CHD2: variants seen among roughly 807,000 people sequenced by gnomAD.
CHD2 encodes the protein ATP-dependent chromatin remodeler CHD2.
In CHD2, 28 loss-of-function variants were observed where a neutral mutation model predicts 243.9. That is an observed-to-expected ratio of 0.11 (90% CI 0.09 to 0.16). CHD2 has a LOEUF of 0.16. Ranked by LOEUF, CHD2 falls within the 10% of genes least tolerant of loss-of-function variation. The probability of loss-of-function intolerance (pLI) is 1.00; values close to 1 mark genes in which losing one functional copy is unlikely to be tolerated. For missense variants in CHD2, 1,386 were observed against 2,209.8 expected, an observed-to-expected ratio of 0.63 and a Z score of 7.47; for synonymous variants, 775 against 779.0, an observed-to-expected ratio of 0.99 and a Z score of 0.09.
At chr15:92,991,826 A>G (rs755912018) in intron 27 of CHD2, 47 of 234,170 alleles carry the variant, frequency 2.0e-4, no homozygotes, top group Non-Finnish European at 3.4e-4. Flanking sequence ...ACTCCAGTTG[A>G]AAAGAATGTA....
Position 92,908,992 on chromosome 15 carries a change from G to T in CHD2, c.62+7693G>T, listed in dbSNP as rs186027827. Among the ~76,000 whole-genome samples the T allele has an allele frequency of 5.3e-5, 8 of 152,090 alleles. No individual in the cohort carries two copies. The East Asian group carries it at 1.2e-3, about 22-fold the overall frequency. The stretch of plus-strand genomic sequence containing the variant: ...AGATTAGCTGGACATGATGGTGGGT[G>T]CCTGTAGTCCCAGCTGCTTGGGAGG... On this transcript the variant is annotated intron_variant, in intron 2 of 38. Transcript: ENST00000394196.
intron 28 of CHD2, among the ~76,000 whole-genome samples, chr15:92,993,838 C>T (rs1441807657): frequency 3.3e-5 from 5 of 152,052 alleles, no homozygotes; most frequent in Non-Finnish European, 7.4e-5. Context: ...ATCCCAGCTA[C>T]ATGGGAGGCT....
chr15:92,918,773 T>A (rs887645189), intron 2 of CHD2, among the ~76,000 whole-genome samples: 1 of 151,750 alleles, frequency 6.6e-6, no homozygotes, highest in African/African-American at 2.4e-5. Flanking sequence ...AATATATATA[T>A]ACGTATATAT....
chr15:92,922,965 T>TG (rs1290709146), intron 2 of CHD2, among the ~76,000 whole-genome samples: 1 of 152,160 alleles, frequency 6.6e-6, no homozygotes, highest in Non-Finnish European at 1.5e-5. Context: ...CTGCTCCCTA[T>TG]GGGATGTTTG....
In CHD2 at chr15:92,939,649, C is replaced by T. The variant is rs2053325261; in HGVS notation, c.623C>T (p.Ser208Phe). The T allele has an allele frequency of 1.2e-6, 2 of 1,613,986 alleles. No homozygotes were observed. Among genetic ancestry groups the T allele is most frequent in the African/African-American group, 1.3e-5 (1 of 74,902 alleles). ...GGAAAGAGAAAAAAGCAAGATTCTT[C>T]TGATGAGGATGATGATGATGACGAA... is the stretch of plus-strand genomic sequence containing the variant. ...QRGKRKKQDS[S>F]DEDDDDDEAP... Residue 208 changes from serine to phenylalanine, a missense_variant, in exon 7 of 39, where the codon TCT (serine) becomes TTT (phenylalanine). Around this residue, in one of 19 missense-constraint regions of CHD2, gnomAD observed 90 missense variants for 78.0 expected, o/e 1.15. Transcript: ENST00000394196.
At chr15:92,964,986 T>C (rs1567144307) in intron 16 of CHD2, among the ~76,000 whole-genome samples, 1 of 152,202 alleles carries the variant, frequency 6.6e-6, no homozygotes, top group Non-Finnish European at 1.5e-5. Flanking sequence ...AGCATACCAT[T>C]TTCACTGCTT....
chr15:92,909,202 C>T (rs933460625), intron 2 of CHD2, among the ~76,000 whole-genome samples: 5 of 152,032 alleles, frequency 3.3e-5, no homozygotes, highest in Admixed American at 6.6e-5. Context: ...GTCTTCTAGT[C>T]GCTTTAAGCT....
chr15:93,017,748 A>T (rs575239342), intron 37 of CHD2, among the ~76,000 whole-genome samples: 4 of 152,248 alleles, frequency 2.6e-5, no homozygotes, highest in African/African-American at 7.2e-5. Flanking sequence ...ATGTTCTGTA[A>T]TCTTAAAAAT....
intron 10 of CHD2, 147 bp downstream of exon 10, chr15:92,944,662 T>C (rs913854346): frequency 2.5e-6 from 1 of 400,264 alleles, no homozygotes; most frequent in Non-Finnish European, 4.5e-6. Context: ...GAAGATTTGC[T>C]GGTAAATTTG....
At chr15:92,924,173 TGTAAAA>T (rs1462011561) in intron 2 of CHD2, 142 bp from the exon 3 acceptor site, 2 of 615,288 alleles carry the variant, frequency 3.3e-6, no homozygotes, top group Non-Finnish European at 5.6e-6. Context: ...TTATTTGGAA[TGTAAAA>T]GTATAAATGT....
At chr15:92,953,633 C>T in intron 14 of CHD2, 60 bp downstream of exon 14, 1 of 1,499,550 alleles carries the variant, frequency 6.7e-7, no homozygotes, top group East Asian at 2.3e-5. Flanking sequence ...TAGAAATTCA[C>T]TTAAAGCCTT....
At position 93,000,556 on chromosome 15, in the gene CHD2, A is replaced by G; in HGVS notation, c.4053A>G (p.Lys1351=). 6.2e-7 allele frequency: 1 copy of G among 1,613,708 alleles called. No individual in the cohort carries two copies. Among genetic ancestry groups the G allele is most frequent in the Non-Finnish European group, 8.5e-7 (1 of 1,179,812 alleles). The part of the protein sequence containing the change: ...KRKPRVKKEN[K]VPRLKEEHGI... The stretch of plus-strand genomic sequence containing the variant: ...AGCCTCGGGTAAAGAAGGAAAACAA[A>G]GTGCCCAGGCTGAAAGAGGAGCATG... The change falls in exon 32 of 39, where the codon AAA becomes AAG. Residue 1351 remains lysine (K), a synonymous_variant. Transcript: ENST00000394196.
In CHD2 at chr15:92,917,703, T is replaced by A. The variant is rs117334971; in HGVS notation, c.63-6618T>A. Among the ~76,000 whole-genome samples, 21 of 152,330 alleles carry A rather than the reference T, an allele frequency of 1.4e-4. No homozygotes were observed. The East Asian group carries it at 4.0e-3, about 29-fold the overall frequency. On this transcript the variant is annotated intron_variant, in intron 2 of 38. Transcript: ENST00000394196. Reference sequence around the variant, plus strand: ...ATAATCAGTTCAACTGAAGAATGTATGTAAATAAGGGCAGTGATACCTAAC... The same window carrying A: ...ATAATCAGTTCAACTGAAGAATGTAAGTAAATAAGGGCAGTGATACCTAAC...
chr15:93,012,116 A>T (rs1164344187), intron 35 of CHD2, among the ~76,000 whole-genome samples: 1 of 152,154 alleles, frequency 6.6e-6, no homozygotes, highest in East Asian at 1.9e-4. Flanking sequence ...GAGAAAAAAA[A>T]TTGATTTTGT....
At chr15:92,916,546 G>T (rs1040234981) in intron 2 of CHD2, among the ~76,000 whole-genome samples, 1 of 152,100 alleles carries the variant, frequency 6.6e-6, no homozygotes, top group Non-Finnish European at 1.5e-5. Context: ...TTGAATTACA[G>T]GATTCATACA....
At position 92,949,129 on chromosome 15, in the gene CHD2, T is replaced by C. The variant is rs1451213552; in HGVS notation, c.1502+53T>C. On this transcript the variant is annotated intron_variant, in intron 13 of 38. Transcript: ENST00000394196. ...TCCTTACTGTTTCTGGCTTCTTTAT[T>C]GTTAGATGTCAAGAATTTTTTTTTT... The C allele has an allele frequency of 2.5e-6, 4 of 1,582,562 alleles. No individual in the cohort carries two copies. The South Asian group carries it at 4.8e-5, about 19-fold the overall frequency.
chr15:92,943,262 G>A lies in CHD2; in HGVS notation c.1052+194G>A, dbSNP rs371998184. The A allele has an allele frequency of 2.1e-4, 119 of 567,262 alleles. 1 individual carries two copies. The African/African-American group carries it at 2.1e-3, about 10-fold the overall frequency. The allele number at this position is 567,262 out of a possible 1,614,324, so 35.1% of individuals were successfully genotyped here. Reference sequence around the variant, plus strand: ...CTATATTTTTATATGTGGCTACCAAGTTTTTGGAGTTAACTAGCTTATGGA... The same window carrying A: ...CTATATTTTTATATGTGGCTACCAAATTTTTGGAGTTAACTAGCTTATGGA... On this transcript the variant is annotated intron_variant, in intron 9 of 38. Coordinates refer to ENST00000394196, the MANE Select transcript of CHD2 (RefSeq NM_001271.4).
intron 5 of CHD2, among the ~76,000 whole-genome samples, chr15:92,935,969 T>G (rs1193650397): frequency 6.6e-6 from 1 of 152,114 alleles, no homozygotes; most frequent in Non-Finnish European, 1.5e-5. Flanking sequence ...AACATCTCCA[T>G]TTGCCTGACT....
At chr15:93,015,213 G>A (rs1451486249) in intron 37 of CHD2, among the ~76,000 whole-genome samples, 1 of 152,066 alleles carries the variant, frequency 6.6e-6, no homozygotes, top group East Asian at 1.9e-4. Flanking sequence ...CGAGTAGCTG[G>A]GATTACAGAT....
Sources: allele counts gnomAD v4.1 joint callset (sites outside exome capture counted in the v4.1 genomes callset), GRCh38; gene constraint gnomAD v4.1.1; regional missense constraint gnomAD v4.1.1; transcripts MANE v1.5; gene names NCBI Gene and HGNC (gene_info 2026-07-23, HGNC 2026-07-21).